Variants in MIB1 observed in about 807,000 individuals in gnomAD.
The protein encoded by MIB1 is E3 ubiquitin-protein ligase MIB1.
A neutral mutation model predicts 124.5 loss-of-function variants in MIB1; 278 were observed. That is an observed-to-expected ratio of 2.23 (90% CI 2.02 to 2.47). The LOEUF (loss-of-function observed/expected upper bound fraction) is 2.47. Among genes scored for constraint, MIB1 ranks in the 30% most tolerant of loss-of-function variants. MIB1 has a pLI of 0.00. For missense variants in MIB1, 957 were observed against 1,254.4 expected (o/e 0.76, Z 3.58); for synonymous variants, 446 against 429.4 (o/e 1.04, Z -0.48).
chr18:21,782,280 C>T (rs1245391507), intron 6 of MIB1, among the ~76,000 whole-genome samples: 5 of 152,154 alleles, frequency 3.3e-5, no homozygotes, highest in Non-Finnish European at 7.4e-5. Context: ...TGTGCCACCA[C>T]GCCCAGCTAA....
chr18:21,800,065 G>A lies in MIB1; in HGVS notation c.1371+91G>A, dbSNP rs148766816. 4.1e-4 allele frequency: 405 copies of A among 997,538 alleles called. No homozygotes were observed. The Middle Eastern group carries it at 7.5e-3, about 18-fold the overall frequency. The allele number at this position is 997,538 out of a possible 1,614,324, so 61.8% of individuals were successfully genotyped here. ...AACAATTACTAAGATTTTGCCAGAT[G>A]TGCTTCATTTATTTCTTCTTTCTTG... On this transcript the variant is annotated intron_variant, in intron 9 of 20. Transcript: ENST00000261537.
Position 21,795,857 on chromosome 18 carries a change from G to A in MIB1, c.1093-2227G>A, listed in dbSNP as rs568590492. Among the ~76,000 whole-genome samples, 17 of 152,108 alleles carry A rather than the reference G, an allele frequency of 1.1e-4. No homozygotes were observed. In the South Asian group the frequency reaches 3.1e-3, roughly 28 times the overall value. Reference sequence around the variant, plus strand: ...GTAGTAGCGTTGATATTGTTATTCCGAGATTGTTAGATGTACCAAAAAACA... The same window carrying A: ...GTAGTAGCGTTGATATTGTTATTCCAAGATTGTTAGATGTACCAAAAAACA... On this transcript the variant is annotated intron_variant, in intron 7 of 20. Coordinates refer to ENST00000261537, the MANE Select transcript of MIB1 (RefSeq NM_020774.4).
Position 21,779,661 on chromosome 18 carries a change from T to TA in MIB1, c.885dup (p.Val296SerfsTer8). On this transcript the variant is annotated frameshift_variant, in exon 6 of 21. Transcript: ENST00000261537. LOFTEE classifies it high-confidence loss of function. ...GGCATTGATGAAGATCATGACATTG[T>TA]AGTACAGTATCCAAGTGGCAATAGG... 2 of 1,614,068 alleles carry TA rather than the reference T, an allele frequency of 1.2e-6. No individual in the cohort carries two copies. The highest frequency in any genetic ancestry group is 1.7e-6 in the Non-Finnish European group (2 of 1,179,890).
chr18:21,712,530 C>T (rs532021537), intron 1 of MIB1, among the ~76,000 whole-genome samples: 3 of 152,292 alleles, frequency 2.0e-5, no homozygotes, highest in East Asian at 1.9e-4. Context: ...CACATAGCAG[C>T]GAACTGTAGG....
At chr18:21,757,670 G>T (rs1206750867) in intron 1 of MIB1, among the ~76,000 whole-genome samples, 1 of 150,598 alleles carries the variant, frequency 6.6e-6, no homozygotes, top group Non-Finnish European at 1.5e-5. Context: ...GTTTTTAGTA[G>T]AGACAGGGTT....
rs770988700 is a variant in MIB1 at position 21,768,627 on chromosome 18, CT to C, written c.407del (p.Leu136ArgfsTer2). 1 of 1,549,164 alleles carries C rather than the reference CT, an allele frequency of 6.5e-7. No individual in the cohort carries two copies. The highest frequency in any genetic ancestry group is 8.7e-7 in the Non-Finnish European group (1 of 1,143,944). Reference sequence around the variant, plus strand: ...AATAAATAATTTTATTTTTAGGGTTCTGTTAGAGTCTCGTAGGAAATCTAAG... The same window carrying C: ...AATAAATAATTTTATTTTTAGGGTTCGTTAGAGTCTCGTAGGAAATCTAAG... ...RITTPGSERV[L>X]LESRRKSKKI... On this transcript the variant is annotated frameshift_variant, in exon 3 of 21. Transcript: ENST00000261537. LOFTEE classifies it high-confidence loss of function.
At chr18:21,846,120 T>C (rs940584642) in intron 15 of MIB1, among the ~76,000 whole-genome samples, 6 of 152,208 alleles carry the variant, frequency 3.9e-5, no homozygotes, top group Non-Finnish European at 7.3e-5. Flanking sequence ...CCTCCAGTTT[T>C]CTTGTTTTTT....
Position 21,821,890 on chromosome 18 carries a change from C to T in MIB1, c.1829+2244C>T, listed in dbSNP as rs191052239. On this transcript the variant is annotated intron_variant, in intron 12 of 20. Transcript: ENST00000261537. ...TGCTGGGATTACAGGCGTGAGCCACCGCGCCCTTCCTCTGTGTTCTTATTT... is the reference window on the plus strand; with the variant it reads ...TGCTGGGATTACAGGCGTGAGCCACTGCGCCCTTCCTCTGTGTTCTTATTT... 2.7e-3 allele frequency among the ~76,000 whole-genome samples: 413 copies of T among 152,228 alleles called. 2 individuals carry two copies. Among genetic ancestry groups the T allele is most frequent in the African/African-American group, 8.8e-3 (366 of 41,534 alleles).
At chr18:21,847,183 T>C in intron 16 of MIB1, 58 bp downstream of exon 16, 1 of 1,410,262 alleles carries the variant, frequency 7.1e-7, no homozygotes, top group Non-Finnish European at 9.8e-7. Flanking sequence ...ATCATGTGGT[T>C]TCGTAATGGA....
Position 21,858,661 on chromosome 18 carries a change from A to C in MIB1, c.2880+15A>C. The C allele has an allele frequency of 7.7e-7, 1 of 1,302,496 alleles. No homozygotes were observed. Among genetic ancestry groups the C allele is most frequent in the Non-Finnish European group, 1.1e-6 (1 of 899,310 alleles). 80.7% of individuals were successfully genotyped at this position (1,302,496 alleles called of 1,614,324 possible). ...TTAAAGAGCAGGTAATAATGATTTC[A>C]TGTAAACAGTGATGCTGTGAATGGC... On this transcript the variant is annotated intron_variant, in intron 20 of 20. Coordinates refer to ENST00000261537, the MANE Select transcript of MIB1 (RefSeq NM_020774.4).
intron 9 of MIB1, among the ~76,000 whole-genome samples, chr18:21,802,842 C>T (rs2041664490): frequency 6.6e-6 from 1 of 152,136 alleles, no homozygotes; most frequent in Admixed American, 6.5e-5. Flanking sequence ...TGGGGGATCT[C>T]TAAATACCAT....
At chr18:21,790,946 G>C (rs1247908819) in intron 6 of MIB1, among the ~76,000 whole-genome samples, 1 of 152,124 alleles carries the variant, frequency 6.6e-6, no homozygotes, top group Non-Finnish European at 1.5e-5. Flanking sequence ...GTTCACACCT[G>C]TAATCCCAGC....
At chr18:21,817,192 T>A (rs2041837892) in intron 11 of MIB1, among the ~76,000 whole-genome samples, 1 of 145,928 alleles carries the variant, frequency 6.9e-6, no homozygotes, top group African/African-American at 2.6e-5. Flanking sequence ...GGCAGGGTCT[T>A]GCTCTGTTGC....
At chr18:21,810,476 C>G (rs143102134) in intron 10 of MIB1, among the ~76,000 whole-genome samples, 3 of 152,070 alleles carry the variant, frequency 2.0e-5, no homozygotes, top group African/African-American at 7.2e-5. Flanking sequence ...CTCACTCTTC[C>G]TACTTTCAAG....
rs540872291 is a variant in MIB1 at position 21,822,115 on chromosome 18, A to G, written c.1829+2469A>G. On this transcript the variant is annotated intron_variant, in intron 12 of 20. Coordinates refer to ENST00000261537, the MANE Select transcript of MIB1 (RefSeq NM_020774.4). ...CAAGATGTTATATGATCAATTACAA[A>G]ATGAATTCTGTAGAGAAACTGTGTT... is the stretch of plus-strand genomic sequence containing the variant. 4.6e-5 allele frequency among the ~76,000 whole-genome samples: 7 copies of G among 152,346 alleles called. No homozygotes were observed. The South Asian group carries it at 1.4e-3, about 32-fold the overall frequency.
intron 15 of MIB1, among the ~76,000 whole-genome samples, chr18:21,844,786 G>C (rs1212624196): frequency 1.3e-5 from 2 of 151,996 alleles, no homozygotes; most frequent in Non-Finnish European, 2.9e-5. Context: ...ATCTTATTGT[G>C]GTTTAATTTG....
intron 1 of MIB1, among the ~76,000 whole-genome samples, chr18:21,718,530 T>C (rs1034040570): frequency 6.6e-6 from 1 of 152,250 alleles, no homozygotes; most frequent in African/African-American, 2.4e-5. Context: ...TAGATGACTT[T>C]GGCCTCAGAT....
Position 21,791,550 on chromosome 18 carries a change from T to A in MIB1, c.1085T>A (p.Met362Lys). Residue 362 changes from methionine (M) to lysine (K), a missense_variant, in exon 7 of 21, where the codon ATG (methionine) becomes AAG (lysine). Transcript: ENST00000261537. ...QRGHGEWAEA[M>K]LPTLGKVGRV... ...GGACATGGAGAATGGGCTGAAGCGA[T>A]GCTTCCAGTAAGTATGTTTAGAATA... is the stretch of plus-strand genomic sequence containing the variant. The A allele has an allele frequency of 6.2e-7, 1 of 1,610,932 alleles. No individual in the cohort carries two copies. The highest frequency in any genetic ancestry group is 8.5e-7 in the Non-Finnish European group (1 of 1,177,588).
At chr18:21,795,938 T>C (rs1568205379) in intron 7 of MIB1, among the ~76,000 whole-genome samples, 1 of 152,164 alleles carries the variant, frequency 6.6e-6, no homozygotes, top group Admixed American at 6.5e-5. Flanking sequence ...ATCAGAATTA[T>C]CAGAGTTGTA....
Sources: gnomAD v4.1 joint callset for allele counts (sites outside exome capture counted in the v4.1 genomes callset) on GRCh38, gnomAD v4.1.1 for gene constraint, MANE v1.5 for transcripts, NCBI Gene and HGNC (gene_info 2026-07-23, HGNC 2026-07-21) for gene names.